Variants in MMUT observed in about 807,000 individuals in gnomAD.
The protein encoded by MMUT is methylmalonyl-CoA mutase.
In MMUT, 79 loss-of-function variants were observed where a neutral mutation model predicts 79.9. That is an observed-to-expected ratio of 0.99 (90% CI 0.82 to 1.19). The LOEUF (loss-of-function observed/expected upper bound fraction) is 1.19. Among genes scored for constraint, MMUT ranks in the 50% most tolerant of loss-of-function variants. The pLI is 0.00. For missense variants in MMUT, 860 were observed against 917.2 expected, an observed-to-expected ratio of 0.94 and a Z score of 0.81; for synonymous variants, 273 against 295.7, an observed-to-expected ratio of 0.92 and a Z score of 0.79.
intron 1 of MMUT, among the ~76,000 whole-genome samples, chr6:49,460,973 T>G (rs75916297): frequency 0.019 from 2,889 of 152,350 alleles, 100 homozygotes; most frequent in African/African-American, 0.066. Flanking sequence ...CTGGGAAAGC[T>G]TCTGTAGTAA....
At chr6:49,456,537 A>T (rs1309918729) in intron 3 of MMUT, among the ~76,000 whole-genome samples, 14 of 152,200 alleles carry the variant, frequency 9.2e-5, no homozygotes, top group African/African-American at 3.1e-4. Flanking sequence ...GAGGTTAGGA[A>T]TGTAACCTTT....
Position 49,460,333 on chromosome 6 carries a change from G to T in MMUT, c.-39-828C>A, listed in dbSNP as rs541824713. ...GGCACAGAAGAGCCAGCATTGATTG[G>T]AACCTATGCAGCCTGTTTCAAAGTC... is the stretch of plus-strand genomic sequence containing the variant. On this transcript the variant is annotated intron_variant, in intron 1 of 12. Transcript: ENST00000274813. Among the ~76,000 whole-genome samples the T allele has an allele frequency of 6.6e-5, 10 of 152,274 alleles. No individual in the cohort carries two copies. In the South Asian group the frequency reaches 2.1e-3, roughly 32 times the overall value.
At chr6:49,432,001 C>T in intron 12 of MMUT, 145 bp from the exon 13 acceptor site, 1 of 896,180 alleles carries the variant, frequency 1.1e-6, no homozygotes, top group South Asian at 1.5e-5. Flanking sequence ...AAAATTCTTC[C>T]TTGATTGGGA....
chr6:49,453,883 T>A, intron 4 of MMUT, 127 bp from the exon 5 acceptor site: 1 of 802,338 alleles, frequency 1.2e-6, no homozygotes, highest in Non-Finnish European at 2.0e-6. Flanking sequence ...TTAATTTGAA[T>A]TAAGATCAGT....
chr6:49,455,697 G>A (rs1189932450), intron 4 of MMUT, among the ~76,000 whole-genome samples: 1 of 151,814 alleles, frequency 6.6e-6, no homozygotes, highest in African/African-American at 2.4e-5. Context: ...ACAGCACAGT[G>A]GATCCCAAAA....
intron 5 of MMUT, among the ~76,000 whole-genome samples, chr6:49,452,917 TA>T (rs1042307689): frequency 2.2e-4 from 33 of 152,100 alleles, no homozygotes; most frequent in African/African-American, 7.5e-4. Flanking sequence ...TGTATGTATA[TA>T]TAATTAATTT....
chr6:49,445,038 T>C (rs902016269), intron 8 of MMUT, among the ~76,000 whole-genome samples: 2 of 151,882 alleles, frequency 1.3e-5, no homozygotes, highest in African/African-American at 4.8e-5. Context: ...GTAGCACATG[T>C]TACTTAGGCT....
Position 49,459,494 on chromosome 6 carries a change from A to AT in MMUT, c.-29dup, listed in dbSNP as rs1236825543. 1.2e-6 allele frequency: 2 copies of AT among 1,603,746 alleles called. No homozygotes were observed. The highest frequency in any genetic ancestry group is 1.3e-5 in the African/African-American group (1 of 74,780). ...TGGAGCATGGAAACACCCAATAGAA[A>AT]TAAGAACTGACCTAGAAAAAGAAAC... On this transcript the variant is annotated 5_prime_UTR_variant, in exon 2 of 13. Coordinates refer to ENST00000274813, the MANE Select transcript of MMUT (RefSeq NM_000255.4).
At chr6:49,460,375 A>G (rs1767809361) in intron 1 of MMUT, among the ~76,000 whole-genome samples, 1 of 152,226 alleles carries the variant, frequency 6.6e-6, no homozygotes, top group African/African-American at 2.4e-5. Context: ...TTTAACTAAT[A>G]TGCACACAAT....
intron 9 of MMUT, among the ~76,000 whole-genome samples, chr6:49,442,263 A>C (rs1269322962): frequency 1.3e-5 from 2 of 152,120 alleles, no homozygotes; most frequent in Non-Finnish European, 2.9e-5. Context: ...TTGCTGAATA[A>C]TTCACCACTT....
intron 5 of MMUT, among the ~76,000 whole-genome samples, chr6:49,453,241 A>AG (rs1767602014): frequency 1.3e-5 from 2 of 151,802 alleles, no homozygotes; most frequent in African/African-American, 4.8e-5. Context: ...GGTTTTTGCC[A>AG]GGTTGGCCAG....
In MMUT at chr6:49,431,712, A is replaced by T; in HGVS notation, c.*16T>A. On this transcript the variant is annotated 3_prime_UTR_variant, in exon 13 of 13. Transcript: ENST00000274813. ...AAAATAATATTTTAGACAAAAGCTA[A>T]AACAAAAAGAGGATATTATACAGAT... 2 of 1,611,602 alleles carry T rather than the reference A, an allele frequency of 1.2e-6. No homozygotes were observed. The highest frequency in any genetic ancestry group is 1.7e-6 in the Non-Finnish European group (2 of 1,178,052).
chr6:49,430,514 G>T lies in MMUT; in HGVS notation c.*1214C>A, dbSNP rs886061551. ...ATATATCATTGGACTTGAAGTCAGT[G>T]TTCATCTGAAAATGGGAACAATAAT... On this transcript the variant is annotated 3_prime_UTR_variant, in exon 13 of 13. Coordinates refer to ENST00000274813, the MANE Select transcript of MMUT (RefSeq NM_000255.4). 6.6e-6 allele frequency: 1 copy of T among 152,114 alleles called. No homozygotes were observed. The allele number at this position is 152,114 out of a possible 1,614,324, so 9.4% of individuals were successfully genotyped here.
intron 11 of MMUT, among the ~76,000 whole-genome samples, chr6:49,437,731 A>G (rs1414424940): frequency 6.6e-6 from 1 of 151,804 alleles, no homozygotes; most frequent in Non-Finnish European, 1.5e-5. Flanking sequence ...AGACCCTGAC[A>G]TTGCCCTAGT....
chr6:49,455,170 AT>A (rs1293711851), intron 4 of MMUT, among the ~76,000 whole-genome samples: 4 of 152,080 alleles, frequency 2.6e-5, no homozygotes, highest in Non-Finnish European at 5.9e-5. Context: ...ATTGTTTTAC[AT>A]TTTTGCAAAT....
chr6:49,451,322 A>T (rs1051243147), intron 6 of MMUT, 144 bp downstream of exon 6: 14 of 950,596 alleles, frequency 1.5e-5, no homozygotes, highest in Admixed American at 9.7e-5. Context: ...TTTTGCAAAC[A>T]TCGTTTAAAT....
intron 3 of MMUT, 58 bp downstream of exon 3, chr6:49,457,633 G>A: frequency 1.4e-6 from 2 of 1,446,720 alleles, no homozygotes; most frequent in Non-Finnish European, 9.5e-7. Flanking sequence ...ATAGCATGTT[G>A]TAAAAATTCC....
chr6:49,431,516 G>T lies in MMUT; in HGVS notation c.*212C>A. The T allele has an allele frequency of 2.3e-6, 1 of 444,006 alleles. No homozygotes were observed. The highest frequency in any genetic ancestry group is 4.1e-6 in the Non-Finnish European group (1 of 245,216). 27.5% of individuals were successfully genotyped at this position (444,006 alleles called of 1,614,324 possible). On this transcript the variant is annotated 3_prime_UTR_variant, in exon 13 of 13. Coordinates refer to ENST00000274813, the MANE Select transcript of MMUT (RefSeq NM_000255.4). ...AGTATTGTTATAGAGAGTATAGAGAGTTTTTAGGGATTTTTTTTTTATTTT... is the reference window on the plus strand; with the variant it reads ...AGTATTGTTATAGAGAGTATAGAGATTTTTTAGGGATTTTTTTTTTATTTT...
intron 5 of MMUT, among the ~76,000 whole-genome samples, chr6:49,452,584 T>C (rs548298659): frequency 1.3e-5 from 2 of 152,244 alleles, no homozygotes; most frequent in South Asian, 2.1e-4. Context: ...CTGCCCGCCT[T>C]GGCCTCCCAA....
Sources: gnomAD v4.1 joint callset for allele counts (sites outside exome capture counted in the v4.1 genomes callset) on GRCh38, gnomAD v4.1.1 for gene constraint, MANE v1.5 for transcripts, NCBI Gene and HGNC (gene_info 2026-07-23, HGNC 2026-07-21) for gene names.